The following DCDC1 variants were observed in gnomAD, a reference collection of about 807,000 sequenced individuals.
The protein encoded by DCDC1 is doublecortin domain-containing protein 1.
In DCDC1, 200 loss-of-function variants were observed where a neutral mutation model predicts 178.3. The ratio of observed to expected loss-of-function variants is 1.12; its 90% CI spans 1.00 to 1.26. The LOEUF (loss-of-function observed/expected upper bound fraction) is 1.26. DCDC1 is among the 50% of genes most tolerant of loss of function. DCDC1 has a pLI of 0.00. For synonymous variants in DCDC1, 690 were observed against 604.8 expected, an observed-to-expected ratio of 1.14 and a Z score of -2.07; for missense variants, 1,983 against 1,749.2, an observed-to-expected ratio of 1.13 and a Z score of -2.38.
chr11:31,053,445 T>C (rs1031014437), intron 20 of DCDC1, among the ~76,000 whole-genome samples: 4 of 152,088 alleles, frequency 2.6e-5, no homozygotes, highest in Admixed American at 6.6e-5. Context: ...TTCCACAAGA[T>C]GGAGAGAGAA....
intron 25 of DCDC1, among the ~76,000 whole-genome samples, chr11:30,918,536 G>A (rs572485805): frequency 4.4e-4 from 67 of 152,254 alleles, no homozygotes; most frequent in African/African-American, 1.4e-3. Context: ...TAAGGTTTAC[G>A]TTAGCAATGG....
chr11:30,878,652 G>A lies in DCDC1; in HGVS notation c.5293C>T (p.Pro1765Ser). 6.2e-7 allele frequency: 1 copy of A among 1,611,348 alleles called. No homozygotes were observed. The highest frequency in any genetic ancestry group is 8.5e-7 in the Non-Finnish European group (1 of 1,178,714). ...NYARIRRQQGPQATDIVVSPS... is the reference protein window; with the variant it reads ...NYARIRRQQGSQATDIVVSPS... Reference sequence around the variant, plus strand: ...GACACCACAATGTCTGTGGCTTGAGGGCCCTGCTGCCTTCGGATTCTGGCA... The same window carrying A: ...GACACCACAATGTCTGTGGCTTGAGAGCCCTGCTGCCTTCGGATTCTGGCA... Residue 1765 changes from proline to serine, a missense_variant, in exon 38 of 39, where the codon CCT (proline) becomes TCT (serine). Pro to Ser is a moderately conservative substitution (Grantham distance 74). Coordinates refer to ENST00000684477, the MANE Select transcript of DCDC1 (RefSeq NM_001387274.1).
chr11:31,307,517 CA>C, intron 4 of DCDC1, 121 bp downstream of exon 4: 1 of 1,360,826 alleles, frequency 7.3e-7, no homozygotes, highest in Non-Finnish European at 9.9e-7. Context: ...AAAACAAAAA[CA>C]AAACCCGAGA....
chr11:31,074,629 G>A (rs373235602), intron 18 of DCDC1, among the ~76,000 whole-genome samples: 1 of 152,228 alleles, frequency 6.6e-6, no homozygotes, highest in East Asian at 1.9e-4. Context: ...TCAGAAGTAT[G>A]AGAAATAAAT....
At chr11:30,976,046 A>T (rs1186277238) in intron 20 of DCDC1, among the ~76,000 whole-genome samples, 1 of 152,164 alleles carries the variant, frequency 6.6e-6, no homozygotes, top group African/African-American at 2.4e-5. Context: ...AGAACCTAAA[A>T]ATAAATCCAC....
intron 8 of DCDC1, among the ~76,000 whole-genome samples, chr11:31,263,633 T>G (rs1289563671): frequency 6.6e-6 from 1 of 152,194 alleles, no homozygotes; most frequent in African/African-American, 2.4e-5. Context: ...GCCAAAAAAT[T>G]TGAGTTAGAA....
chr11:30,888,104 A>AAGAAAGAAAGAAAGAAAGAAAAAG (rs1943410262), intron 36 of DCDC1, among the ~76,000 whole-genome samples: 1 of 102,248 alleles, frequency 9.8e-6, no homozygotes, highest in Non-Finnish European at 2.0e-5. Context: ...AAGAAAAAGA[A>AAGAAAGAAAGAAAGAAAGAAAAAG]AGAAAGAAAG....
chr11:31,355,957 G>A (rs955179868), intron 1 of DCDC1, among the ~76,000 whole-genome samples: 1 of 152,050 alleles, frequency 6.6e-6, no homozygotes, highest in Non-Finnish European at 1.5e-5. Flanking sequence ...AGTGCCCCAA[G>A]GTGTTATTTG....
At chr11:31,346,705 G>A (rs956387188) in intron 1 of DCDC1, among the ~76,000 whole-genome samples, 5 of 152,198 alleles carry the variant, frequency 3.3e-5, no homozygotes, top group South Asian at 2.1e-4. Context: ...CATATAAACC[G>A]AGGTATATGT....
At position 31,328,245 on chromosome 11, in the gene DCDC1, T is replaced by G; in HGVS notation, c.36A>C (p.Ala12=). 1 of 1,595,038 alleles carries G rather than the reference T, an allele frequency of 6.3e-7. No individual in the cohort carries two copies. ...AGAGGGATAAGGAAGACTGAGATAGTGCTTCTCTGTGATCTTCTGCTCCTG... is the reference window on the plus strand; with the variant it reads ...AGAGGGATAAGGAAGACTGAGATAGGGCTTCTCTGTGATCTTCTGCTCCTG... ...AKTGAEDHRE[A]LSQSSLSLLT... Residue 12 remains alanine, a synonymous_variant, in exon 3 of 39, where the codon GCA becomes GCC. Coordinates refer to ENST00000684477, the MANE Select transcript of DCDC1 (RefSeq NM_001387274.1).
At chr11:31,021,156 T>C (rs1369197889) in intron 20 of DCDC1, among the ~76,000 whole-genome samples, 1 of 152,198 alleles carries the variant, frequency 6.6e-6, no homozygotes, top group African/African-American at 2.4e-5. Flanking sequence ...ACCAACTCTT[T>C]GGAAAACAAT....
At chr11:30,892,672 C>A in intron 36 of DCDC1, 146 bp downstream of exon 36, 1 of 875,968 alleles carries the variant, frequency 1.1e-6, no homozygotes, top group East Asian at 2.6e-5. Context: ...ATCATGAGAT[C>A]AATCCTATGA....
chr11:30,949,944 G>A (rs1021524219), intron 21 of DCDC1, among the ~76,000 whole-genome samples: 1 of 152,016 alleles, frequency 6.6e-6, no homozygotes, highest in African/African-American at 2.4e-5. Flanking sequence ...CACGGCAAGT[G>A]TATACCCATT....
chr11:30,881,850 C>T (rs1326144018), intron 36 of DCDC1, among the ~76,000 whole-genome samples: 1 of 152,074 alleles, frequency 6.6e-6, no homozygotes, highest in African/African-American at 2.4e-5. Flanking sequence ...CTAGAGAGGC[C>T]TTATTAAACT....
intron 20 of DCDC1, among the ~76,000 whole-genome samples, chr11:31,002,328 T>C (rs1011587948): frequency 1.3e-5 from 2 of 152,244 alleles, no homozygotes; most frequent in Non-Finnish European, 2.9e-5. Flanking sequence ...AATATATTCT[T>C]TTTTAACATT....
At chr11:31,190,359 A>G (rs1435188661) in intron 9 of DCDC1, among the ~76,000 whole-genome samples, 3 of 152,166 alleles carry the variant, frequency 2.0e-5, no homozygotes. Context: ...TTGAACTCAG[A>G]TGCAACATTG....
At chr11:31,334,358 C>T (rs1950163673) in intron 2 of DCDC1, among the ~76,000 whole-genome samples, 3 of 152,098 alleles carry the variant, frequency 2.0e-5, no homozygotes, top group Admixed American at 6.6e-5. Flanking sequence ...TTGTTATTAC[C>T]GACCTTCTGA....
At chr11:31,354,760 G>A (rs1022527795) in intron 1 of DCDC1, among the ~76,000 whole-genome samples, 8 of 152,098 alleles carry the variant, frequency 5.3e-5, no homozygotes, top group Admixed American at 4.6e-4. Flanking sequence ...CTAGACCAAC[G>A]GCTACTGATG....
intron 36 of DCDC1, among the ~76,000 whole-genome samples, chr11:30,883,966 G>GA (rs998918379): frequency 3.7e-5 from 5 of 135,748 alleles, no homozygotes; most frequent in African/African-American, 1.1e-4. Context: ...TCTTCATAGA[G>GA]AAAAAAAATG....
Sources: allele counts gnomAD v4.1 joint callset (sites outside exome capture counted in the v4.1 genomes callset), GRCh38; gene constraint gnomAD v4.1.1; transcripts MANE v1.5; gene names NCBI Gene and HGNC (gene_info 2026-07-23, HGNC 2026-07-21).